The following SHISA9 variants were observed in gnomAD, a reference collection of about 807,000 sequenced individuals.
SHISA9 encodes the protein protein shisa-9.
In SHISA9, 13 loss-of-function variants were observed where a neutral mutation model predicts 38.0. The observed-to-expected ratio is 0.34, with a 90% CI of 0.22 to 0.54. The LOEUF is 0.54. SHISA9 is among the 20% of genes least tolerant of loss of function. The pLI is 0.91. For missense variants in SHISA9, 538 were observed against 575.8 expected (o/e 0.93, Z 0.67); for synonymous variants, 275 against 242.0 (o/e 1.14, Z -1.27).
chr16:13,391,276 C>G, the SHISA9 span, among the ~76,000 whole-genome samples: 1 of 152,176 alleles, frequency 6.6e-6, no homozygotes, highest in African/African-American at 2.4e-5. Flanking sequence ...ATCTGCTTAA[C>G]TTAGTCTTGG....
At chr16:13,266,748 A>G in the SHISA9 span, among the ~76,000 whole-genome samples, 1 of 152,204 alleles carries the variant, frequency 6.6e-6, no homozygotes, top group Non-Finnish European at 1.5e-5. Flanking sequence ...AGAGAGAAAA[A>G]AGGACATCTG....
intron 4 of SHISA9, among the ~76,000 whole-genome samples, chr16:13,229,996 A>G (rs1467618254): frequency 6.6e-6 from 1 of 152,158 alleles, no homozygotes; most frequent in African/African-American, 2.4e-5. Context: ...TTATACATTT[A>G]TGTAATTTGG....
intron 2 of SHISA9, among the ~76,000 whole-genome samples, chr16:13,144,772 C>G (rs1433284944): frequency 6.6e-6 from 1 of 152,092 alleles, no homozygotes; most frequent in Non-Finnish European, 1.5e-5. Context: ...GAAGCCGCCA[C>G]TAAGTGGATT....
chr16:13,441,337 TG>T, the SHISA9 span, among the ~76,000 whole-genome samples: 1 of 152,294 alleles, frequency 6.6e-6, no homozygotes, highest in East Asian at 1.9e-4. Context: ...AATGGAAATT[TG>T]TGCACCTACT....
At chr16:13,509,572 C>T in the SHISA9 span, among the ~76,000 whole-genome samples, 1 of 152,174 alleles carries the variant, frequency 6.6e-6, no homozygotes, top group Non-Finnish European at 1.5e-5. Flanking sequence ...CCTAAGGTAT[C>T]TTGAAAGTTT....
intron 2 of SHISA9, among the ~76,000 whole-genome samples, chr16:13,126,067 A>G (rs917041224): frequency 6.6e-5 from 10 of 152,216 alleles, no homozygotes; most frequent in Middle Eastern, 3.2e-3. Context: ...CAACTCATTG[A>G]CATATTCTAG....
the SHISA9 span, among the ~76,000 whole-genome samples, chr16:13,358,533 G>T: frequency 1.3e-5 from 2 of 152,202 alleles, no homozygotes; most frequent in East Asian, 3.8e-4. Context: ...GGCATAAGTA[G>T]ATGCTAATAC....
At chr16:13,328,591 T>TACACACACACACAC in the SHISA9 span, among the ~76,000 whole-genome samples, 2 of 139,874 alleles carry the variant, frequency 1.4e-5, no homozygotes, top group East Asian at 4.2e-4. Context: ...TATATGTGTA[T>TACACACACACACAC]ACACACACAC....
intron 2 of SHISA9, among the ~76,000 whole-genome samples, chr16:13,107,917 C>A (rs1269895195): frequency 6.6e-6 from 1 of 152,012 alleles, no homozygotes; most frequent in Non-Finnish European, 1.5e-5. Flanking sequence ...GTAGCAAAAG[C>A]CTTACACATA....
At chr16:13,158,493 T>G (rs2050566500) in intron 2 of SHISA9, among the ~76,000 whole-genome samples, 1 of 152,192 alleles carries the variant, frequency 6.6e-6, no homozygotes, top group Non-Finnish European at 1.5e-5. Flanking sequence ...ACCCTGCTAT[T>G]GCCCACAGTG....
the SHISA9 span, among the ~76,000 whole-genome samples, chr16:13,453,577 C>A: frequency 6.6e-6 from 1 of 152,176 alleles, no homozygotes; most frequent in Non-Finnish European, 1.5e-5. Context: ...CAGACCAGGC[C>A]ATCCTAGACC....
intron 3 of SHISA9, among the ~76,000 whole-genome samples, chr16:13,204,222 A>ATCTATCTG (rs2051040979): frequency 6.7e-6 from 1 of 149,886 alleles, no homozygotes; most frequent in South Asian, 2.1e-4. Flanking sequence ...CTATCTATCT[A>ATCTATCTG]TCTATCTATC....
intron 2 of SHISA9, among the ~76,000 whole-genome samples, chr16:13,198,129 G>C (rs750656445): frequency 1.1e-4 from 16 of 152,110 alleles, no homozygotes; most frequent in Non-Finnish European, 1.9e-4. Flanking sequence ...AGGTCACAGT[G>C]AGCTGACACC....
chr16:13,319,561 G>A, the SHISA9 span, among the ~76,000 whole-genome samples: 1 of 152,136 alleles, frequency 6.6e-6, no homozygotes, highest in Non-Finnish European at 1.5e-5. Flanking sequence ...TGGCTGGAAA[G>A]AGCCCAGCTT....
chr16:13,113,604 A>G lies in SHISA9; in HGVS notation c.692-89790A>G, dbSNP rs139537337. 2.1e-3 allele frequency among the ~76,000 whole-genome samples: 326 copies of G among 152,326 alleles called. 1 individual carries two copies. The highest frequency in any genetic ancestry group is 7.1e-3 in the African/African-American group (295 of 41,574). On this transcript the variant is annotated intron_variant, in intron 2 of 4. Coordinates refer to ENST00000558583, the MANE Select transcript of SHISA9 (RefSeq NM_001145204.3). ...AATTGTCTTGCCTGAGAGGCTCATT[A>G]TTGCGTCCAATACAAAGGAATTTGG...
At chr16:13,544,779 C>T in the SHISA9 span, among the ~76,000 whole-genome samples, 1 of 152,024 alleles carries the variant, frequency 6.6e-6, no homozygotes, top group Non-Finnish European at 1.5e-5. Context: ...CCTGTCTTTA[C>T]TAAAAATACA....
At chr16:13,047,857 A>G (rs1462972422) in intron 2 of SHISA9, among the ~76,000 whole-genome samples, 2 of 152,158 alleles carry the variant, frequency 1.3e-5, no homozygotes, top group Non-Finnish European at 2.9e-5. Flanking sequence ...CTTACAATGC[A>G]TTATCTCATG....
At chr16:13,206,660 A>G (rs1231278456) in intron 3 of SHISA9, among the ~76,000 whole-genome samples, 1 of 152,218 alleles carries the variant, frequency 6.6e-6, no homozygotes, top group East Asian at 1.9e-4. Flanking sequence ...AATTTATAAT[A>G]CCAAGGACAC....
At chr16:13,485,021 C>G in the SHISA9 span, among the ~76,000 whole-genome samples, 1 of 148,450 alleles carries the variant, frequency 6.7e-6, no homozygotes, top group Admixed American at 6.9e-5. Flanking sequence ...AACACTAAGC[C>G]TCTTGTTCTT....
Sources: allele counts gnomAD v4.1 joint callset (sites outside exome capture counted in the v4.1 genomes callset), GRCh38; gene constraint gnomAD v4.1.1; transcripts MANE v1.5; gene names NCBI Gene and HGNC (gene_info 2026-07-23, HGNC 2026-07-21).